RBM20: variants seen among roughly 807,000 people sequenced by gnomAD.
RBM20 encodes RNA-binding protein 20.
Under a neutral mutation model 110.1 loss-of-function variants are expected in RBM20, and 51 were observed. The ratio of observed to expected loss-of-function variants is 0.46; its 90% CI spans 0.37 to 0.59. The LOEUF is 0.59. Ranked by LOEUF, RBM20 falls within the 20% of genes least tolerant of loss-of-function variation. RBM20 has a pLI of 0.00. For synonymous variants in RBM20, 589 were observed against 618.2 expected (o/e 0.95, Z 0.70); for missense variants, 1,512 against 1,574.9 (o/e 0.96, Z 0.68).
chr10:110,733,802 G>A (rs924362788), intron 1 of RBM20, among the ~76,000 whole-genome samples: 2 of 152,124 alleles, frequency 1.3e-5, no homozygotes, highest in African/African-American at 2.4e-5. Context: ...AAAGATAATC[G>A]CCTCTAAAGC....
intron 5 of RBM20, among the ~76,000 whole-genome samples, chr10:110,794,806 G>C (rs904456518): frequency 6.6e-6 from 1 of 152,216 alleles, no homozygotes; most frequent in Non-Finnish European, 1.5e-5. Context: ...CTTTGGTAAC[G>C]ACATCTTCAG....
chr10:110,822,525 G>A (rs748955760), intron 11 of RBM20: 9 of 455,900 alleles, frequency 2.0e-5, no homozygotes, highest in Non-Finnish European at 3.5e-5. Flanking sequence ...TCATGAAAGA[G>A]AGAGTTTAAA....
intron 1 of RBM20, among the ~76,000 whole-genome samples, chr10:110,665,654 C>T (rs1016458246): frequency 3.9e-5 from 6 of 152,068 alleles, no homozygotes; most frequent in South Asian, 2.1e-4. Flanking sequence ...CATGCATATA[C>T]ATATATATGA....
At chr10:110,752,949 T>A (rs77098405) in intron 1 of RBM20, among the ~76,000 whole-genome samples, 8,158 of 131,450 alleles carry the variant, frequency 0.062, 226 homozygotes, top group South Asian at 0.089. Context: ...ATATATATTT[T>A]TTTTTTTTTT....
rs1412517593 is a variant in RBM20 at position 110,763,462 on chromosome 10, T to C, written c.192-17339T>C. Reference sequence around the variant, plus strand: ...TACAGTGGACACCAGGCATTGCAGGTAGACATCAGCCTGTCCCAGACAGGA... The same window carrying C: ...TACAGTGGACACCAGGCATTGCAGGCAGACATCAGCCTGTCCCAGACAGGA... On this transcript the variant is annotated intron_variant, in intron 1 of 13. Transcript: ENST00000369519. 3.3e-5 allele frequency among the ~76,000 whole-genome samples: 5 copies of C among 152,128 alleles called. No homozygotes were observed. The South Asian group carries it at 6.2e-4, about 19-fold the overall frequency.
chr10:110,734,624 T>A (rs1180674674), intron 1 of RBM20, among the ~76,000 whole-genome samples: 3 of 151,348 alleles, frequency 2.0e-5, no homozygotes, highest in African/African-American at 7.3e-5. Context: ...CCCTCTTTTT[T>A]TTTTTTTTTT....
At chr10:110,714,365 C>T (rs1229873491) in intron 1 of RBM20, among the ~76,000 whole-genome samples, 1 of 152,126 alleles carries the variant, frequency 6.6e-6, no homozygotes, top group Non-Finnish European at 1.5e-5. Context: ...ACAAATAAAG[C>T]TGGCTTAGCA....
intron 1 of RBM20, among the ~76,000 whole-genome samples, chr10:110,663,673 C>T (rs1862137488): frequency 6.6e-6 from 1 of 152,020 alleles, no homozygotes; most frequent in Non-Finnish European, 1.5e-5. Context: ...AAAGTAATCC[C>T]CAAAAATCAA....
chr10:110,664,267 T>G (rs1306050845), intron 1 of RBM20, among the ~76,000 whole-genome samples: 2 of 152,160 alleles, frequency 1.3e-5, no homozygotes, highest in Non-Finnish European at 2.9e-5. Context: ...AGCTGGAATA[T>G]CTTGTTGTAT....
At chr10:110,823,366 G>A in intron 11 of RBM20, 114 bp from the exon 12 acceptor site, 2 of 1,336,346 alleles carry the variant, frequency 1.5e-6, no homozygotes, top group Non-Finnish European at 2.0e-6. Context: ...GCAGTCCAAG[G>A]AACAATTCCC....
chr10:110,692,649 T>C (rs1862603163), intron 1 of RBM20, among the ~76,000 whole-genome samples: 1 of 151,706 alleles, frequency 6.6e-6, no homozygotes, highest in Non-Finnish European at 1.5e-5. Flanking sequence ...TGTGTGTAAC[T>C]TGAGGGTTTT....
chr10:110,683,161 A>G (rs747385617), intron 1 of RBM20, among the ~76,000 whole-genome samples: 37 of 152,338 alleles, frequency 2.4e-4, no homozygotes, highest in Admixed American at 7.2e-4. Flanking sequence ...TTTTGTTCTC[A>G]TCGAATTCTT....
At chr10:110,825,404 G>C (rs867201729) in intron 12 of RBM20, among the ~76,000 whole-genome samples, 6 of 152,284 alleles carry the variant, frequency 3.9e-5, no homozygotes, top group Non-Finnish European at 4.4e-5. Context: ...ATTATAGAAA[G>C]TGTGAAAGAT....
In RBM20 at chr10:110,783,965, T is replaced by C. The variant is rs557621161; in HGVS notation, c.1338-376T>C. The stretch of plus-strand genomic sequence containing the variant: ...TCTGTCTCTACGGATTTGCCTGTTC[T>C]GTACTTTTCTGTAAATGGAATCATA... On this transcript the variant is annotated intron_variant, in intron 3 of 13. Coordinates refer to ENST00000369519, the MANE Select transcript of RBM20 (RefSeq NM_001134363.3). Among the ~76,000 whole-genome samples, 4 of 152,374 alleles carry C rather than the reference T, an allele frequency of 2.6e-5. No individual in the cohort carries two copies. In the South Asian group the frequency reaches 8.3e-4, roughly 32 times the overall value.
intron 1 of RBM20, among the ~76,000 whole-genome samples, chr10:110,671,254 T>C (rs981402714): frequency 2.6e-5 from 4 of 152,266 alleles, no homozygotes; most frequent in African/African-American, 9.6e-5. Flanking sequence ...TTTTCTGTCT[T>C]ATCAATACTA....
At chr10:110,822,586 G>A in intron 11 of RBM20, 8 of 419,158 alleles carry the variant, frequency 1.9e-5, no homozygotes, top group Middle Eastern at 3.7e-4. Context: ...ATCCATCAGG[G>A]GGTTTGGGGG....
At chr10:110,792,432 C>T (rs1027017944) in intron 5 of RBM20, among the ~76,000 whole-genome samples, 2 of 152,124 alleles carry the variant, frequency 1.3e-5, no homozygotes, top group Non-Finnish European at 2.9e-5. Flanking sequence ...CAGGCATTGC[C>T]CCAAAGCACC....
In RBM20 at chr10:110,755,792, G is replaced by A. The variant is rs569690930; in HGVS notation, c.192-25009G>A. On this transcript the variant is annotated intron_variant, in intron 1 of 13. Coordinates refer to ENST00000369519, the MANE Select transcript of RBM20 (RefSeq NM_001134363.3). ...TTGATGCCATCTGTTGTTTCCTCAA[G>A]GGGTAACTTTAATTGGTTGGCCAAT... is the stretch of plus-strand genomic sequence containing the variant. Among the ~76,000 whole-genome samples the A allele has an allele frequency of 6.6e-5, 10 of 152,276 alleles. No individual in the cohort carries two copies. In the South Asian group the frequency reaches 2.1e-3, roughly 32 times the overall value.
intron 1 of RBM20, among the ~76,000 whole-genome samples, chr10:110,740,747 A>T (rs1196724238): frequency 1.3e-5 from 2 of 152,138 alleles, no homozygotes; most frequent in Non-Finnish European, 2.9e-5. Flanking sequence ...ATGGCAGCAG[A>T]TATAACATCA....
Sources: gnomAD v4.1 joint callset for allele counts (sites outside exome capture counted in the v4.1 genomes callset) on GRCh38, gnomAD v4.1.1 for gene constraint, MANE v1.5 for transcripts, NCBI Gene and HGNC (gene_info 2026-07-23, HGNC 2026-07-21) for gene names.